APBA1: variants seen among roughly 807,000 people sequenced by gnomAD.
APBA1 encodes the protein amyloid-beta A4 precursor protein-binding family A member 1.
A neutral mutation model predicts 86.6 loss-of-function variants in APBA1; 55 were observed. The ratio of observed to expected loss-of-function variants is 0.64; its 90% CI spans 0.51 to 0.80. The LOEUF (loss-of-function observed/expected upper bound fraction) is 0.80, where lower values mean the gene tolerates loss of function less well. Ranked by LOEUF, APBA1 falls within the 30% of genes least tolerant of loss-of-function variation. The probability of loss-of-function intolerance (pLI) is 0.00; values close to 1 mark genes in which losing one functional copy is unlikely to be tolerated. For missense variants in APBA1, 1,090 were observed against 1,183.0 expected (o/e 0.92, Z 1.15); for synonymous variants, 511 against 493.9 (o/e 1.03, Z -0.46).
At chr9:69,472,634 C>A (rs759648456) in intron 3 of APBA1, 1 of 152,162 alleles carries the variant, frequency 6.6e-6, no homozygotes, top group Non-Finnish European at 1.5e-5. Flanking sequence ...AGAACCTACC[C>A]GGTTCTTAGG....
Position 69,621,358 on chromosome 9 carries a change from T to C in APBA1, c.-70+50795A>G, listed in dbSNP as rs146539128. 2.5e-3 allele frequency among the ~76,000 whole-genome samples: 380 copies of C among 152,346 alleles called. 1 individual carries two copies. The highest frequency in any genetic ancestry group is 8.6e-3 in the African/African-American group (357 of 41,576). ...GGTACTTCAACACCACTGAAATTCC[T>C]GCCAAACCTGTGGCCTCTCTGTGGC... is the stretch of plus-strand genomic sequence containing the variant. On this transcript the variant is annotated intron_variant, in intron 1 of 12. Coordinates refer to ENST00000265381, the MANE Select transcript of APBA1 (RefSeq NM_001163.4).
intron 10 of APBA1, among the ~76,000 whole-genome samples, chr9:69,448,675 C>T (rs1455206837): frequency 6.6e-6 from 1 of 152,074 alleles, no homozygotes; most frequent in African/African-American, 2.4e-5. Flanking sequence ...TTCCTTCTCC[C>T]TCTCTCTCAC....
chr9:69,440,434 G>A (rs184249158), intron 11 of APBA1, among the ~76,000 whole-genome samples: 19 of 151,454 alleles, frequency 1.3e-4, no homozygotes, highest in South Asian at 6.2e-4. Context: ...GCTCCACCCC[G>A]TTCGAGCTTC....
intron 1 of APBA1, among the ~76,000 whole-genome samples, chr9:69,610,476 T>A (rs756503147): frequency 6.6e-6 from 1 of 152,182 alleles, no homozygotes; most frequent in Non-Finnish European, 1.5e-5. Flanking sequence ...TCAGGTTCTG[T>A]ATGCCTAGTT....
chr9:69,442,458 G>T (rs1834840040), intron 10 of APBA1, among the ~76,000 whole-genome samples: 2 of 152,166 alleles, frequency 1.3e-5, no homozygotes. Context: ...TACTCCAAAG[G>T]GAACTGTGGG....
At chr9:69,562,529 C>T (rs1337107052) in intron 1 of APBA1, among the ~76,000 whole-genome samples, 1 of 151,986 alleles carries the variant, frequency 6.6e-6, no homozygotes, top group Non-Finnish European at 1.5e-5. Context: ...CACACGCCAC[C>T]AAGCCCAGCT....
intron 1 of APBA1, among the ~76,000 whole-genome samples, chr9:69,538,044 A>C (rs1448960706): frequency 6.7e-6 from 1 of 149,776 alleles, no homozygotes; most frequent in African/African-American, 2.4e-5. Flanking sequence ...GCCCATTGAA[A>C]AAGGCTGGAG....
intron 2 of APBA1, among the ~76,000 whole-genome samples, chr9:69,499,657 G>C (rs1564056922): frequency 8.3e-6 from 1 of 120,620 alleles, no homozygotes; most frequent in Non-Finnish European, 1.8e-5. Context: ...TAGTTTCCTA[G>C]CAACGGTCCA....
intron 11 of APBA1, among the ~76,000 whole-genome samples, chr9:69,433,969 A>G (rs1290412294): frequency 6.6e-6 from 1 of 151,966 alleles, no homozygotes; most frequent in Non-Finnish European, 1.5e-5. Flanking sequence ...CCGCCACCAC[A>G]CCTGGCTACT....
At chr9:69,659,404 C>T (rs1823706922) in intron 1 of APBA1, among the ~76,000 whole-genome samples, 1 of 152,154 alleles carries the variant, frequency 6.6e-6, no homozygotes, top group Non-Finnish European at 1.5e-5. Context: ...CTTTCATATG[C>T]ACATTCTCTC....
intron 1 of APBA1, among the ~76,000 whole-genome samples, chr9:69,546,283 G>A (rs116481600): frequency 1.1e-3 from 168 of 152,360 alleles, no homozygotes; most frequent in African/African-American, 3.9e-3. Context: ...AGCAGAGCGA[G>A]TTATTCTGAT....
chr9:69,516,806 G>C lies in APBA1; in HGVS notation c.405C>G (p.Ala135=). 2 of 1,608,700 alleles carry C rather than the reference G, an allele frequency of 1.2e-6. No individual in the cohort carries two copies. Among genetic ancestry groups the C allele is most frequent in the East Asian group, 2.2e-5 (1 of 44,836 alleles). Residue 135 remains alanine (A), a synonymous_variant, in exon 2 of 13, where the codon GCC becomes GCG. Transcript: ENST00000265381. The surrounding 1 kb of genome is among the most constrained non-coding windows in gnomAD (Gnocchi z 7.3). ...EAEEYTEQAE[A]EHAEATHRRA... is the part of the protein sequence containing the mutation. Reference sequence around the variant, plus strand: ...GGCGGTGCGTGGCCTCGGCGTGCTCGGCCTCTGCCTGCTCCGTGTACTCCT... The same window carrying C: ...GGCGGTGCGTGGCCTCGGCGTGCTCCGCCTCTGCCTGCTCCGTGTACTCCT...
chr9:69,473,457 C>T (rs1835395899), intron 3 of APBA1, among the ~76,000 whole-genome samples: 1 of 152,140 alleles, frequency 6.6e-6, no homozygotes, highest in Admixed American at 6.5e-5. Context: ...ATCAGAATTG[C>T]TTAGCCTCCA....
chr9:69,457,248 C>G (rs17081810), intron 6 of APBA1, 109 bp from the exon 7 acceptor site: 32,482 of 780,634 alleles, frequency 0.042, 946 homozygotes, highest in Non-Finnish European at 0.057. Flanking sequence ...GTCACCAGAA[C>G]AGCAATACAG....
At chr9:69,623,637 C>T (rs946391923) in intron 1 of APBA1, among the ~76,000 whole-genome samples, 4 of 152,124 alleles carry the variant, frequency 2.6e-5, no homozygotes, top group Admixed American at 6.5e-5. Flanking sequence ...AAAACCAGCT[C>T]GGGAGGGTGT....
In APBA1 at chr9:69,516,743, C is replaced by G. The variant is rs372677160; in HGVS notation, c.468G>C (p.Glu156Asp). ...AGGCCGCATTCATGGCTTCCTCGTG[C>G]TCCAGCGAGTGGAAGTGCAGGTGGT... The part of the protein sequence containing the change: ...LPNHLHFHSL[E>D]HEEAMNAAYS... Residue 156 changes from glutamate (E) to aspartate (D), a missense_variant, in exon 2 of 13, where the codon GAG becomes GAC. Physicochemically the swap from Glu to Asp is conservative, Grantham distance 45 (BLOSUM62 2). Around this residue, in one of 6 missense-constraint regions of APBA1, gnomAD observed 678 missense variants for 647.1 expected, o/e 1.05. Coordinates refer to ENST00000265381, the MANE Select transcript of APBA1 (RefSeq NM_001163.4). The surrounding 1 kb of genome is among the most constrained non-coding windows in gnomAD (Gnocchi z 7.3). 10 of 1,612,134 alleles carry G rather than the reference C, an allele frequency of 6.2e-6. No individual in the cohort carries two copies. Among genetic ancestry groups the G allele is most frequent in the South Asian group, 1.1e-5 (1 of 90,918 alleles).
chr9:69,477,269 G>A (rs12337530), intron 2 of APBA1, among the ~76,000 whole-genome samples: 13,813 of 151,260 alleles, frequency 0.091, 777 homozygotes, highest in East Asian at 0.28. Context: ...TGCGCGCACC[G>A]TGCGCCAGCC....
chr9:69,646,098 T>C (rs1178867532), intron 1 of APBA1, among the ~76,000 whole-genome samples: 1 of 152,264 alleles, frequency 6.6e-6, no homozygotes, highest in Non-Finnish European at 1.5e-5. Flanking sequence ...TTTATTTTGA[T>C]AAGCACCCAG....
chr9:69,582,033 G>A lies in APBA1; in HGVS notation c.-69-64754C>T, dbSNP rs1821921333. Among the ~76,000 whole-genome samples the A allele has an allele frequency of 2.0e-5, 3 of 152,124 alleles. No homozygotes were observed. In the South Asian group the frequency reaches 6.2e-4, roughly 32 times the overall value. On this transcript the variant is annotated intron_variant, in intron 1 of 12. Coordinates refer to ENST00000265381, the MANE Select transcript of APBA1 (RefSeq NM_001163.4). Reference sequence around the variant, plus strand: ...AGGCAGCTAAACTGTGTGTTGCTGTGTTGATTCTTCCAAAAGGTCTGAAGA... The same window carrying A: ...AGGCAGCTAAACTGTGTGTTGCTGTATTGATTCTTCCAAAAGGTCTGAAGA...
Sources: gnomAD v4.1 joint callset for allele counts (sites outside exome capture counted in the v4.1 genomes callset) on GRCh38, gnomAD v4.1.1 for gene constraint, gnomAD v4.1.1 regional missense constraint, Gnocchi (gnomAD v3.1) non-coding constraint, MANE v1.5 for transcripts, NCBI Gene and HGNC (gene_info 2026-07-23, HGNC 2026-07-21) for gene names.